RAB3C: variants seen among roughly 807,000 people sequenced by gnomAD.
The protein encoded by RAB3C is ras-related protein Rab-3C.
Under a neutral mutation model 26.4 loss-of-function variants are expected in RAB3C, and 17 were observed. The ratio of observed to expected loss-of-function variants is 0.64; its 90% CI spans 0.44 to 0.97. The LOEUF (loss-of-function observed/expected upper bound fraction) is 0.97. Among genes scored for constraint, RAB3C ranks in the 50% least tolerant of loss-of-function variants. The pLI is 0.00. For synonymous variants in RAB3C, 91 were observed against 95.9 expected, an observed-to-expected ratio of 0.95 and a Z score of 0.30; for missense variants, 242 against 281.9, an observed-to-expected ratio of 0.86 and a Z score of 1.01.
At chr5:58,695,289 G>A (rs578079228) in intron 2 of RAB3C, among the ~76,000 whole-genome samples, 52 of 152,288 alleles carry the variant, frequency 3.4e-4, no homozygotes, top group Admixed American at 3.1e-3. Flanking sequence ...CTATATCTCT[G>A]TTTTGGTACC....
At chr5:58,606,532 A>C (rs1478525780) in intron 1 of RAB3C, among the ~76,000 whole-genome samples, 1 of 152,180 alleles carries the variant, frequency 6.6e-6, no homozygotes, top group South Asian at 2.1e-4. Flanking sequence ...AGCTCTGAAG[A>C]GAGCAGTGGT....
Position 58,858,908 on chromosome 5 carries a change from T to C in RAB3C, c.*7557T>C, listed in dbSNP as rs901757626. ...GGCAGTTGATTTAGACATTTGCCAGTGCACCAAACCATGAGAGATTGTCCG... is the reference window on the plus strand; with the variant it reads ...GGCAGTTGATTTAGACATTTGCCAGCGCACCAAACCATGAGAGATTGTCCG... On this transcript the variant is annotated 3_prime_UTR_variant, in exon 5 of 5. Transcript: ENST00000282878. 2 of 152,202 alleles carry C rather than the reference T, an allele frequency of 1.3e-5. No individual in the cohort carries two copies. The highest frequency in any genetic ancestry group is 4.8e-5 in the African/African-American group (2 of 41,464). The allele number at this position is 152,202 out of a possible 1,614,324, so 9.4% of individuals were successfully genotyped here. A position where few individuals can be genotyped will look rare whatever the true frequency, so the allele number is the denominator to read the frequency against.
At chr5:58,716,803 A>T (rs1434380842) in intron 2 of RAB3C, among the ~76,000 whole-genome samples, 1 of 94,766 alleles carries the variant, frequency 1.1e-5, no homozygotes, top group African/African-American at 4.5e-5. Flanking sequence ...TCTCTTATTA[A>T]AAAAAAAAAA....
intron 2 of RAB3C, among the ~76,000 whole-genome samples, chr5:58,693,322 T>C (rs1017748394): frequency 6.9e-4 from 52 of 75,178 alleles, no homozygotes; most frequent in African/African-American, 3.2e-3. Flanking sequence ...AATTAAGAAA[T>C]TATATATATA....
At chr5:58,716,588 C>T (rs1749177884) in intron 2 of RAB3C, among the ~76,000 whole-genome samples, 1 of 151,898 alleles carries the variant, frequency 6.6e-6, no homozygotes, top group Non-Finnish European at 1.5e-5. Flanking sequence ...TATGAATGTG[C>T]ATATATGTAA....
chr5:58,762,262 A>AAGGTGACC (rs1741810326), intron 3 of RAB3C, among the ~76,000 whole-genome samples: 1 of 152,226 alleles, frequency 6.6e-6, no homozygotes, highest in African/African-American at 2.4e-5. Context: ...TGAGTGGCTG[A>AAGGTGACC]AGGTGACCAT....
intron 3 of RAB3C, among the ~76,000 whole-genome samples, chr5:58,805,676 C>G (rs1742926217): frequency 6.6e-6 from 1 of 151,200 alleles, no homozygotes; most frequent in Non-Finnish European, 1.5e-5. Flanking sequence ...AAAATGTTCC[C>G]AGATGATGAG....
At chr5:58,831,800 G>A (rs890676763) in intron 4 of RAB3C, among the ~76,000 whole-genome samples, 11 of 152,150 alleles carry the variant, frequency 7.2e-5, no homozygotes, top group Non-Finnish European at 1.0e-4. Flanking sequence ...AAAACCCAAG[G>A]CGGGGACAAG....
intron 2 of RAB3C, among the ~76,000 whole-genome samples, chr5:58,635,088 A>G (rs1052162779): frequency 2.0e-5 from 3 of 152,326 alleles, no homozygotes; most frequent in Admixed American, 1.3e-4. Flanking sequence ...AGAGGTGACA[A>G]GAATATTTTC....
In RAB3C at chr5:58,607,981, C is replaced by G. The variant is rs539325833; in HGVS notation, c.25-9662C>G. 6.6e-5 allele frequency among the ~76,000 whole-genome samples: 10 copies of G among 152,178 alleles called. No individual in the cohort carries two copies. In the South Asian group the frequency reaches 2.1e-3, roughly 32 times the overall value. ...CGGTACCAGCCACTGCAAAAACATC[C>G]CAAATTGTAAAGACCATCAATGCTA... On this transcript the variant is annotated intron_variant, in intron 1 of 4. Transcript: ENST00000282878.
rs140287646 is a variant in RAB3C at position 58,778,992 on chromosome 5, C to A, written c.372-46046C>A. Among the ~76,000 whole-genome samples the A allele has an allele frequency of 1.2e-3, 181 of 152,278 alleles. 5 individuals carry two copies. In the East Asian group the frequency reaches 0.026, roughly 22 times the overall value. On this transcript the variant is annotated intron_variant, in intron 3 of 4. Coordinates refer to ENST00000282878, the MANE Select transcript of RAB3C (RefSeq NM_138453.4). ...AAAAACACAAAGTCATCTTTGACAGCTTATATATCCCATCAACAATCACTT... is the reference window on the plus strand; with the variant it reads ...AAAAACACAAAGTCATCTTTGACAGATTATATATCCCATCAACAATCACTT...
chr5:58,725,635 G>A (rs988196985), intron 2 of RAB3C, among the ~76,000 whole-genome samples: 1 of 151,828 alleles, frequency 6.6e-6, no homozygotes, highest in South Asian at 2.1e-4. Context: ...TAACTCAGTA[G>A]GGTGACTATA....
intron 4 of RAB3C, among the ~76,000 whole-genome samples, chr5:58,843,892 C>T (rs1307867007): frequency 6.6e-6 from 1 of 152,190 alleles, no homozygotes; most frequent in African/African-American, 2.4e-5. Flanking sequence ...CCCACTACTT[C>T]TCCCAGCCAA....
rs1744306906 is a variant in RAB3C at position 58,858,251 on chromosome 5, T to A, written c.*6900T>A. On this transcript the variant is annotated 3_prime_UTR_variant, in exon 5 of 5. Transcript: ENST00000282878. ...ATAGACTGAAATTTGTTCTTAGCTC[T>A]CAAAATCCACTGAAGAAGTCAAGTG... is the stretch of plus-strand genomic sequence containing the variant. The A allele has an allele frequency of 6.6e-6, 1 of 152,156 alleles. No homozygotes were observed. Among genetic ancestry groups the A allele is most frequent in the African/African-American group, 2.4e-5 (1 of 41,438 alleles). 9.4% of individuals were successfully genotyped at this position (152,156 alleles called of 1,614,324 possible).
At chr5:58,616,233 T>C (rs1478145399) in intron 1 of RAB3C, among the ~76,000 whole-genome samples, 1 of 152,228 alleles carries the variant, frequency 6.6e-6, no homozygotes, top group Non-Finnish European at 1.5e-5. Flanking sequence ...GTATTTGCAC[T>C]GTCCAGTATA....
intron 2 of RAB3C, among the ~76,000 whole-genome samples, chr5:58,714,590 G>C (rs1203787435): frequency 6.6e-6 from 1 of 152,030 alleles, no homozygotes; most frequent in East Asian, 1.9e-4. Context: ...GTCTGACTTA[G>C]GGAGTAAAAA....
At chr5:58,680,832 A>T (rs536400719) in intron 2 of RAB3C, among the ~76,000 whole-genome samples, 1 of 152,264 alleles carries the variant, frequency 6.6e-6, no homozygotes, top group Non-Finnish European at 1.5e-5. Context: ...AAGACCCTTA[A>T]TCACATCTTC....
intron 3 of RAB3C, among the ~76,000 whole-genome samples, chr5:58,812,394 T>C (rs973424866): frequency 6.6e-6 from 1 of 152,160 alleles, no homozygotes; most frequent in Non-Finnish European, 1.5e-5. Context: ...CTGAATCAGA[T>C]GATCTAGGGG....
At chr5:58,599,887 C>G (rs1200743601) in intron 1 of RAB3C, among the ~76,000 whole-genome samples, 3 of 152,056 alleles carry the variant, frequency 2.0e-5, no homozygotes, top group Non-Finnish European at 4.4e-5. Context: ...GTTTTTACTG[C>G]ATTTGCTTTT....
Sources: allele counts gnomAD v4.1 joint callset (sites outside exome capture counted in the v4.1 genomes callset), GRCh38; gene constraint gnomAD v4.1.1; transcripts MANE v1.5; gene names NCBI Gene and HGNC (gene_info 2026-07-23, HGNC 2026-07-21).